CELF2: variants seen among roughly 807,000 people sequenced by gnomAD.
The protein encoded by CELF2 is CUGBP Elav-like family member 2, also known as CUG triplet repeat RNA-binding protein 2.
In CELF2, 8 loss-of-function variants were observed where a neutral mutation model predicts 62.6. That is an observed-to-expected ratio of 0.13 (90% CI 0.07 to 0.23). CELF2 has a LOEUF of 0.23. Ranked by LOEUF, CELF2 falls within the 10% of genes least tolerant of loss-of-function variation. CELF2 has a pLI of 1.00. For missense variants in CELF2, 333 were observed against 671.0 expected, an observed-to-expected ratio of 0.50 and a Z score of 5.56; for synonymous variants, 258 against 250.0, an observed-to-expected ratio of 1.03 and a Z score of -0.30.
the CELF2 span, among the ~76,000 whole-genome samples, chr10:10,773,683 TAC>T: frequency 2.3e-3 from 355 of 152,346 alleles, 1 homozygote; most frequent in Admixed American, 3.2e-3. Flanking sequence ...AAATCCTTTA[TAC>T]CAGATAAACT....
At chr10:10,825,696 C>A (rs1314806055) in intron 1 of CELF2, among the ~76,000 whole-genome samples, 4 of 152,172 alleles carry the variant, frequency 2.6e-5, no homozygotes, top group African/African-American at 9.7e-5. Flanking sequence ...GTGGACTTCT[C>A]TGCAAAGTAA....
intron 1 of CELF2, among the ~76,000 whole-genome samples, chr10:11,009,850 C>T (rs2056111379): frequency 6.6e-6 from 1 of 152,214 alleles, no homozygotes; most frequent in South Asian, 2.1e-4. Context: ...AGTTATGATG[C>T]TGACATACCT....
At chr10:11,166,781 C>A (rs2067346349) in intron 2 of CELF2, among the ~76,000 whole-genome samples, 1 of 152,218 alleles carries the variant, frequency 6.6e-6, no homozygotes, top group African/African-American at 2.4e-5. Context: ...TTTTCTCTAA[C>A]CCTTTTCCTT....
At chr10:10,490,695 G>A in the CELF2 span, among the ~76,000 whole-genome samples, 18 of 152,210 alleles carry the variant, frequency 1.2e-4, no homozygotes, top group African/African-American at 3.9e-4. Flanking sequence ...GGGATATGAG[G>A]ATAGGTTACA....
At chr10:10,469,225 T>C in the CELF2 span, among the ~76,000 whole-genome samples, 2 of 151,962 alleles carry the variant, frequency 1.3e-5, no homozygotes, top group Non-Finnish European at 2.9e-5. Flanking sequence ...TTAAAATTCT[T>C]ATTAGGATTT....
the CELF2 span, among the ~76,000 whole-genome samples, chr10:10,659,881 T>G: frequency 6.6e-6 from 1 of 152,210 alleles, no homozygotes; most frequent in Non-Finnish European, 1.5e-5. Context: ...GGGGAGATTT[T>G]CTGGGATTAT....
At chr10:10,533,760 G>T in the CELF2 span, among the ~76,000 whole-genome samples, 1 of 152,210 alleles carries the variant, frequency 6.6e-6, no homozygotes, top group Non-Finnish European at 1.5e-5. Flanking sequence ...TAAGGTCAAA[G>T]TATGTTGAAT....
the CELF2 span, among the ~76,000 whole-genome samples, chr10:10,620,256 G>A: frequency 6.6e-6 from 1 of 152,112 alleles, no homozygotes; most frequent in Non-Finnish European, 1.5e-5. Context: ...AGTTCAGCCA[G>A]GTGTGGTGGC....
chr10:10,696,079 T>C, the CELF2 span, among the ~76,000 whole-genome samples: 1,597 of 150,126 alleles, frequency 0.011, 23 homozygotes, highest in African/African-American at 0.032. Context: ...GGAGGAGAGG[T>C]GCTCTGCTTT....
Position 10,972,193 on chromosome 10 carries a change from G to A in CELF2, c.89+52194G>A, listed in dbSNP as rs117749148. 3.9e-5 allele frequency among the ~76,000 whole-genome samples: 6 copies of A among 152,186 alleles called. No homozygotes were observed. Among genetic ancestry groups the A allele is most frequent in the Admixed American group, 2.6e-4 (4 of 15,290 alleles). On this transcript the variant is annotated intron_variant, in intron 2 of 13. Transcript: ENST00000636488. The surrounding 1 kb of genome is among the most constrained non-coding windows in gnomAD (Gnocchi z 4.4). ...GACAATTTCTTATTCAGGGAAACTC[G>A]CTACCTAGGTTATCCCAAAGCATGC...
the CELF2 span, among the ~76,000 whole-genome samples, chr10:10,635,480 C>T: frequency 6.6e-6 from 1 of 152,108 alleles, no homozygotes; most frequent in African/African-American, 2.4e-5. Flanking sequence ...TTGAATTTGT[C>T]TTTCATGTTT....
At chr10:10,862,493 A>G in intron 1 of CELF2, among the ~76,000 whole-genome samples, 1 of 152,230 alleles carries the variant, frequency 6.6e-6, no homozygotes, top group East Asian at 1.9e-4. Flanking sequence ...CTTAGGTGGT[A>G]CCTGATTGGT....
At chr10:10,470,163 C>T in the CELF2 span, among the ~76,000 whole-genome samples, 46 of 151,924 alleles carry the variant, frequency 3.0e-4, no homozygotes, top group Admixed American at 2.2e-3. Context: ...ATAAGGGATA[C>T]TCAACCTTCA....
chr10:10,972,466 T>C lies in CELF2; in HGVS notation c.89+52467T>C, dbSNP rs1245347922. Among the ~76,000 whole-genome samples the C allele has an allele frequency of 6.6e-6, 1 of 152,160 alleles. No individual in the cohort carries two copies. The highest frequency in any genetic ancestry group is 2.4e-5 in the African/African-American group (1 of 41,432). ...TTCCCCATCCCTCTCGTCTCCTGGTTCTCCCCCTACATCTGTCCTTGTAAT... is the reference window on the plus strand; with the variant it reads ...TTCCCCATCCCTCTCGTCTCCTGGTCCTCCCCCTACATCTGTCCTTGTAAT... On this transcript the variant is annotated intron_variant, in intron 2 of 13. Coordinates refer to the CELF2 transcript ENST00000636488. This position sits in a 1 kb window ranked among gnomAD's most constrained non-coding sequence, Gnocchi z 4.4.
At chr10:10,633,328 T>A in the CELF2 span, among the ~76,000 whole-genome samples, 1 of 152,220 alleles carries the variant, frequency 6.6e-6, no homozygotes, top group African/African-American at 2.4e-5. Context: ...TTTCCCTATA[T>A]TCTCATCAAC....
chr10:10,591,918 C>A, the CELF2 span, among the ~76,000 whole-genome samples: 1 of 152,174 alleles, frequency 6.6e-6, no homozygotes, highest in Non-Finnish European at 1.5e-5. Flanking sequence ...CACACACACC[C>A]CCACATACAC....
At position 11,011,482 on chromosome 10, in the gene CELF2, A is replaced by G. The variant is rs2056457847; in HGVS notation, c.53+6042A>G. On this transcript the variant is annotated intron_variant, in intron 1 of 12. Coordinates refer to the CELF2 transcript ENST00000416382. This position sits in a 1 kb window ranked among gnomAD's most constrained non-coding sequence, Gnocchi z 4.6. Reference sequence around the variant, plus strand: ...TTATTATTAAAAAAAAAAAAAACGCAAAATACAATCCTTAGCTTCATCTCC... The same window carrying G: ...TTATTATTAAAAAAAAAAAAAACGCGAAATACAATCCTTAGCTTCATCTCC... 6.6e-6 allele frequency among the ~76,000 whole-genome samples: 1 copy of G among 151,342 alleles called. No individual in the cohort carries two copies. The highest frequency in any genetic ancestry group is 2.1e-4 in the South Asian group (1 of 4,796).
At chr10:10,487,195 C>T in the CELF2 span, among the ~76,000 whole-genome samples, 1 of 152,120 alleles carries the variant, frequency 6.6e-6, no homozygotes, top group Non-Finnish European at 1.5e-5. Context: ...CTTCTTGGAT[C>T]GTGTATTCTA....
intron 2 of CELF2, among the ~76,000 whole-genome samples, chr10:10,982,984 T>C (rs974418184): frequency 1.6e-4 from 25 of 152,288 alleles, no homozygotes; most frequent in African/African-American, 5.5e-4. Flanking sequence ...AAAAAGGATG[T>C]TGTCAAGATA....
Sources: gnomAD v4.1 joint callset for allele counts (sites outside exome capture counted in the v4.1 genomes callset) on GRCh38, gnomAD v4.1.1 for gene constraint, Gnocchi (gnomAD v3.1) non-coding constraint, MANE v1.5 for transcripts, NCBI Gene and HGNC (gene_info 2026-07-23, HGNC 2026-07-21) for gene names.